Variants in E2F5 observed in about 807,000 individuals in gnomAD.
E2F5 encodes the protein E2F transcription factor 5, also known as transcription factor E2F5.
A neutral mutation model predicts 39.1 loss-of-function variants in E2F5; 23 were observed. The observed-to-expected ratio is 0.59, with a 90% CI of 0.42 to 0.83. The LOEUF (loss-of-function observed/expected upper bound fraction) is 0.83. E2F5 is among the 40% of genes least tolerant of loss of function. The pLI is 0.00. For synonymous variants in E2F5, 145 were observed against 157.8 expected, an observed-to-expected ratio of 0.92 and a Z score of 0.61; for missense variants, 365 against 406.7, an observed-to-expected ratio of 0.90 and a Z score of 0.88.
intron 1 of E2F5, among the ~76,000 whole-genome samples, chr8:85,183,912 C>G (rs982494985): frequency 2.3e-4 from 35 of 152,132 alleles, no homozygotes; most frequent in African/African-American, 8.4e-4. Context: ...CTGATCTAAT[C>G]TGACTGGGGT....
At chr8:85,206,086 C>A in intron 3 of E2F5, 91 bp from the exon 4 acceptor site, 2 of 1,221,138 alleles carry the variant, frequency 1.6e-6, no homozygotes, top group South Asian at 2.5e-5. Flanking sequence ...TGCATATGGT[C>A]ATTTAGTTAT....
At chr8:85,184,649 A>T (rs1281098198) in intron 1 of E2F5, among the ~76,000 whole-genome samples, 1 of 152,236 alleles carries the variant, frequency 6.6e-6, no homozygotes, top group Non-Finnish European at 1.5e-5. Flanking sequence ...CCTTAAGCTG[A>T]TAAGCAACTT....
intron 1 of E2F5, among the ~76,000 whole-genome samples, chr8:85,191,805 G>C (rs1307528925): frequency 3.9e-5 from 6 of 152,162 alleles, no homozygotes; most frequent in Non-Finnish European, 8.8e-5. Flanking sequence ...GCCAGGGACT[G>C]TCTTCTGTGT....
chr8:85,210,561 G>T (rs1812895213), intron 6 of E2F5, among the ~76,000 whole-genome samples: 1 of 151,808 alleles, frequency 6.6e-6, no homozygotes, highest in Non-Finnish European at 1.5e-5. Context: ...CACACCTGTA[G>T]TCCCAGCTAC....
Position 85,177,441 on chromosome 8 carries a change from G to A in E2F5, c.21G>A (p.Ala7=). The A allele has an allele frequency of 1.0e-6, 1 of 992,906 alleles. No individual in the cohort carries two copies. Among genetic ancestry groups the A allele is most frequent in the Non-Finnish European group, 1.2e-6 (1 of 836,162 alleles). 61.5% of individuals were successfully genotyped at this position (992,906 alleles called of 1,614,324 possible). MAAAEP[A]SSGQQAPAGQ... is the part of the protein sequence containing the mutation. ...ACGCGATGGCGGCGGCAGAGCCCGC[G>A]AGCTCGGGCCAGCAGGCGCCGGCAG... Residue 7 remains alanine (A), a synonymous_variant, in exon 1 of 8, where the codon GCG becomes GCA. Transcript: ENST00000416274.
rs1318450813 is a variant in E2F5 at position 85,177,178 on chromosome 8, C to A, written c.-243C>A. On this transcript the variant is annotated 5_prime_UTR_variant, in exon 1 of 8. Transcript: ENST00000416274. ...CCTTCTCCTCGTTTCCACCCCTCCCCCCTCGGTCGTGGGCCTCATTCACGC... is the reference window on the plus strand; with the variant it reads ...CCTTCTCCTCGTTTCCACCCCTCCCACCTCGGTCGTGGGCCTCATTCACGC... 3 of 164,870 alleles carry A rather than the reference C, an allele frequency of 1.8e-5. No homozygotes were observed. The highest frequency in any genetic ancestry group is 3.8e-5 in the Non-Finnish European group (3 of 79,650). The allele number at this position is 164,870 out of a possible 1,614,324, so 10.2% of individuals were successfully genotyped here.
intron 3 of E2F5, among the ~76,000 whole-genome samples, chr8:85,205,586 C>T (rs1170017470): frequency 6.6e-6 from 1 of 152,136 alleles, no homozygotes; most frequent in Non-Finnish European, 1.5e-5. Context: ...CCCAGCCACC[C>T]TGCATTTCTT....
chr8:85,186,764 GTATATATACGGTATATATAAGGTGTA>G (rs1812350660), intron 1 of E2F5, among the ~76,000 whole-genome samples: 2 of 146,706 alleles, frequency 1.4e-5, no homozygotes, highest in Non-Finnish European at 3.0e-5. Context: ...TATATAAGGT[GTATATATACGGTATATATAAGGTGTA>G]TATATATGAT....
intron 1 of E2F5, among the ~76,000 whole-genome samples, chr8:85,190,635 C>T (rs1252743712): frequency 6.7e-6 from 1 of 149,726 alleles, no homozygotes; most frequent in Non-Finnish European, 1.5e-5. Flanking sequence ...TCCCTAGTAG[C>T]TGGGACTAAA....
intron 1 of E2F5, among the ~76,000 whole-genome samples, chr8:85,194,907 C>T (rs1266943024): frequency 2.0e-5 from 3 of 151,556 alleles, no homozygotes; most frequent in African/African-American, 7.3e-5. Context: ...CCGGCTATGC[C>T]AGACACTCTT....
intron 1 of E2F5, among the ~76,000 whole-genome samples, chr8:85,200,993 G>A (rs956294250): frequency 5.3e-5 from 8 of 152,218 alleles, no homozygotes; most frequent in African/African-American, 1.7e-4. Flanking sequence ...AGACCTGAAT[G>A]ATGGGACAGC....
In E2F5 at chr8:85,214,037, G is replaced by A; in HGVS notation, c.*175G>A. On this transcript the variant is annotated 3_prime_UTR_variant, in exon 8 of 8. Coordinates refer to ENST00000416274, the MANE Select transcript of E2F5 (RefSeq NM_001951.4). ...AAAACTTCAACCATAAAAACAAAGG[G>A]CTCTGATTGCTTTAGGGGATAAGTG... 1 of 591,586 alleles carries A rather than the reference G, an allele frequency of 1.7e-6. No homozygotes were observed. The highest frequency in any genetic ancestry group is 3.0e-6 in the Non-Finnish European group (1 of 335,262). The allele number at this position is 591,586 out of a possible 1,614,324, so 36.6% of individuals were successfully genotyped here.
chr8:85,182,064 G>A (rs1392880658), intron 1 of E2F5, among the ~76,000 whole-genome samples: 1 of 152,136 alleles, frequency 6.6e-6, no homozygotes, highest in African/African-American at 2.4e-5. Context: ...AAAGTGATGT[G>A]AGGAAAGTTT....
intron 3 of E2F5, among the ~76,000 whole-genome samples, chr8:85,204,398 G>GT (rs1812757706): frequency 6.6e-6 from 1 of 151,418 alleles, no homozygotes; most frequent in African/African-American, 2.4e-5. Context: ...TTAGGGTCAT[G>GT]GATGACGCTG....
intron 3 of E2F5, among the ~76,000 whole-genome samples, chr8:85,203,825 C>A (rs1189583356): frequency 6.8e-6 from 1 of 147,410 alleles, no homozygotes; most frequent in African/African-American, 2.5e-5. Flanking sequence ...CATATAATAT[C>A]ATATATAATA....
At chr8:85,183,396 C>T (rs1463974771) in intron 1 of E2F5, among the ~76,000 whole-genome samples, 1 of 152,172 alleles carries the variant, frequency 6.6e-6, no homozygotes, top group Non-Finnish European at 1.5e-5. Flanking sequence ...CCCTTCCACT[C>T]CTGGGTGTAT....
intron 1 of E2F5, among the ~76,000 whole-genome samples, chr8:85,185,923 A>G (rs1048407488): frequency 1.3e-5 from 2 of 152,230 alleles, no homozygotes; most frequent in African/African-American, 4.8e-5. Context: ...AGTTTAAATT[A>G]GTTCAACCAT....
intron 5 of E2F5, 55 bp from the exon 6 acceptor site, chr8:85,209,087 A>G (rs1039033215): frequency 1.3e-6 from 2 of 1,560,512 alleles, no homozygotes; most frequent in African/African-American, 1.4e-5. Flanking sequence ...TACTGTCTTA[A>G]GTTAGCTAGA....
At chr8:85,190,287 T>C (rs980382749) in intron 1 of E2F5, among the ~76,000 whole-genome samples, 2 of 150,526 alleles carry the variant, frequency 1.3e-5, no homozygotes, top group Non-Finnish European at 3.0e-5. Flanking sequence ...GCACCACACA[T>C]ACACAAACAC....
Sources: gnomAD v4.1 joint callset for allele counts (sites outside exome capture counted in the v4.1 genomes callset) on GRCh38, gnomAD v4.1.1 for gene constraint, MANE v1.5 for transcripts, NCBI Gene and HGNC (gene_info 2026-07-23, HGNC 2026-07-21) for gene names.